Variants in BRDT observed in about 807,000 individuals in gnomAD.
BRDT encodes bromodomain testis associated, also known as bromodomain testis-specific protein.
In BRDT, 77 loss-of-function variants were observed where a neutral mutation model predicts 113.9. That is an observed-to-expected ratio of 0.68 (90% confidence interval 0.56 to 0.82). The LOEUF is 0.82. Among genes scored for constraint, BRDT ranks in the 40% least tolerant of loss-of-function variants. BRDT has a pLI of 0.00. For synonymous variants in BRDT, 358 were observed against 366.5 expected, an observed-to-expected ratio of 0.98 and a Z score of 0.26; for missense variants, 1,027 against 1,105.4, an observed-to-expected ratio of 0.93 and a Z score of 1.01.
At chr1:92,000,122 C>A (rs1476554116) in intron 15 of BRDT, among the ~76,000 whole-genome samples, 1 of 152,220 alleles carries the variant, frequency 6.6e-6, no homozygotes, top group Non-Finnish European at 1.5e-5. Context: ...AAGGAATCCT[C>A]CCGCCTTGGC....
At chr1:92,005,324 T>G (rs1440284236) in intron 18 of BRDT, 25 bp downstream of exon 18, 5 of 1,492,098 alleles carry the variant, frequency 3.4e-6, no homozygotes, top group Non-Finnish European at 3.6e-6. Flanking sequence ...GTTTACTAAA[T>G]CTAATTTAAC....
At chr1:91,970,290 G>T (rs1020800851) in intron 4 of BRDT, among the ~76,000 whole-genome samples, 5 of 152,120 alleles carry the variant, frequency 3.3e-5, no homozygotes, top group African/African-American at 1.2e-4. Flanking sequence ...TCGAGACAGG[G>T]TCTCATTCTG....
Position 91,980,950 on chromosome 1 carries a change from A to G in BRDT, c.1522A>G (p.Lys508Glu), listed in dbSNP as rs1206440795. The change falls in exon 10 of 19, where the codon AAA becomes GAA. Residue 508 changes from lysine (K) to glutamate (E), a missense_variant. Lys to Glu is a moderately conservative substitution (Grantham distance 56). Transcript: ENST00000399546. ...AAAATCTGAAGATGAAGATAATGCTAAACCTATGAACTATGATGAGAAAAG... is the reference window on the plus strand; with the variant it reads ...AAAATCTGAAGATGAAGATAATGCTGAACCTATGAACTATGATGAGAAAAG... ...GLKSEDEDNA[K>E]PMNYDEKRQL... The G allele has an allele frequency of 3.7e-6, 6 of 1,613,898 alleles. No homozygotes were observed. Among genetic ancestry groups the G allele is most frequent in the Non-Finnish European group, 5.1e-6 (6 of 1,179,970 alleles).
In BRDT at chr1:91,998,772, A is replaced by C. The variant is rs559519663; in HGVS notation, c.2288-3277A>C. On this transcript the variant is annotated intron_variant, in intron 15 of 18. Transcript: ENST00000399546. ...CATTTGAGCTGGATAGTGCAGAAAA[A>C]AAATAAGGCTTACCTATGTTTATTT... 5.9e-5 allele frequency among the ~76,000 whole-genome samples: 9 copies of C among 152,330 alleles called. No individual in the cohort carries two copies. The South Asian group carries it at 1.9e-3, about 32-fold the overall frequency.
intron 3 of BRDT, among the ~76,000 whole-genome samples, chr1:91,966,330 G>T (rs1683059242): frequency 6.6e-6 from 1 of 152,166 alleles, no homozygotes; most frequent in South Asian, 2.1e-4. Flanking sequence ...TAGAAAGTTT[G>T]ATTTGGCTCC....
chr1:91,954,028 G>C (rs1570410087), intron 1 of BRDT, among the ~76,000 whole-genome samples: 1 of 151,850 alleles, frequency 6.6e-6, no homozygotes, highest in East Asian at 1.9e-4. Context: ...CTAGAGTACA[G>C]TGGCATGATC....
At chr1:91,968,393 C>T (rs1683282801) in intron 4 of BRDT, 133 bp downstream of exon 4, 2 of 1,296,122 alleles carry the variant, frequency 1.5e-6, no homozygotes, top group Admixed American at 5.7e-5. Flanking sequence ...AAAAAATGTC[C>T]ATTTGAAACA....
intron 1 of BRDT, among the ~76,000 whole-genome samples, chr1:91,953,094 C>A: frequency 7.5e-6 from 1 of 133,142 alleles, no homozygotes; most frequent in Admixed American, 7.8e-5. Flanking sequence ...AATGCTATCC[C>A]TCCCCCCTCC....
In BRDT at chr1:91,995,881, G is replaced by A. The variant is rs147893806; in HGVS notation, c.2287+1627G>A. Reference sequence around the variant, plus strand: ...TCGAACTCTTGACCTCAGATGATCCGCTTGCCTCAGCCTCCCTATTCTGTG... The same window carrying A: ...TCGAACTCTTGACCTCAGATGATCCACTTGCCTCAGCCTCCCTATTCTGTG... On this transcript the variant is annotated intron_variant, in intron 15 of 18. Coordinates refer to ENST00000399546, the MANE Select transcript of BRDT (RefSeq NM_207189.4). Among the ~76,000 whole-genome samples the A allele has an allele frequency of 1.1e-4, 16 of 151,914 alleles. No homozygotes were observed. In the East Asian group the frequency reaches 2.1e-3, roughly 20 times the overall value.
intron 18 of BRDT, among the ~76,000 whole-genome samples, chr1:92,007,026 C>A (rs913412354): frequency 1.3e-5 from 2 of 151,998 alleles, no homozygotes. Context: ...TGAGCTCAGG[C>A]AATCCACCCA....
chr1:91,964,005 G>T (rs993651363), intron 2 of BRDT, among the ~76,000 whole-genome samples: 1 of 151,830 alleles, frequency 6.6e-6, no homozygotes, highest in Admixed American at 6.6e-5. Context: ...CCAAGTAGCT[G>T]GGAAGACAGG....
chr1:91,997,962 G>T (rs542600643), intron 15 of BRDT, among the ~76,000 whole-genome samples: 3 of 152,022 alleles, frequency 2.0e-5, no homozygotes, highest in Admixed American at 6.5e-5. Context: ...TTTCTTATTG[G>T]AAAAATAGTT....
intron 3 of BRDT, among the ~76,000 whole-genome samples, chr1:91,965,909 T>G (rs1333346111): frequency 6.6e-6 from 1 of 152,218 alleles, no homozygotes; most frequent in East Asian, 1.9e-4. Flanking sequence ...TGCCTTTCCC[T>G]GTCTCTTGTT....
chr1:91,988,301 C>A (rs1174708164), intron 12 of BRDT, among the ~76,000 whole-genome samples: 7 of 152,128 alleles, frequency 4.6e-5, no homozygotes, highest in Admixed American at 4.6e-4. Flanking sequence ...CCACTTTGAT[C>A]CTCTTAAGGT....
At position 92,005,289 on chromosome 1, in the gene BRDT, G is replaced by A. The variant is rs1327348313; in HGVS notation, c.2765G>A (p.Arg922Lys). The change falls in exon 18 of 19, where the codon AGG becomes AAG. Residue 922 changes from arginine to lysine, a missense_variant. Coordinates refer to ENST00000399546, the MANE Select transcript of BRDT (RefSeq NM_207189.4). ...AGGCAGAAAGAACAAGAGAGGAGGA[G>A]GAGAGAAGCAGTAAGTGAATTTTAG... ...LARQKEQERR[R>K]REAMVGTIDM... The A allele has an allele frequency of 1.9e-6, 3 of 1,548,364 alleles. No individual in the cohort carries two copies. In the East Asian group the frequency reaches 7.2e-5, roughly 37 times the overall value.
chr1:91,969,809 T>TG (rs1683433850), intron 4 of BRDT, among the ~76,000 whole-genome samples: 1 of 146,782 alleles, frequency 6.8e-6, no homozygotes, highest in Non-Finnish European at 1.5e-5. Context: ...TTTTTTGTTT[T>TG]TGTGTGTGTG....
At chr1:91,976,545 C>A in intron 5 of BRDT, 107 bp downstream of exon 5, 1 of 1,060,294 alleles carries the variant, frequency 9.4e-7, no homozygotes, top group Non-Finnish European at 1.3e-6. Context: ...TTTTTTAATT[C>A]ATTTAGCATC....
rs772598496 is a variant in BRDT, at chr1:91,991,223, C to G, written c.2042C>G (p.Ser681Cys). The G allele has an allele frequency of 6.5e-7, 1 of 1,550,068 alleles. No individual in the cohort carries two copies. The highest frequency in any genetic ancestry group is 1.2e-5 in the South Asian group (1 of 85,798). ...TTTACAGAAGTAAAACCAAATGATT[C>G]TCCTTCTAAAGAGAATGTAAAGGTA... is the stretch of plus-strand genomic sequence containing the variant. ...PKFTEVKPNDSPSKENVKKMK... is the reference protein window; with the variant it reads ...PKFTEVKPNDCPSKENVKKMK... The change falls in exon 13 of 19, where the codon TCT (serine) becomes TGT (cysteine). Residue 681 changes from serine (S) to cysteine (C), a missense_variant. By Grantham distance (112) the Ser-to-Cys change is moderately radical. Transcript: ENST00000399546.
rs565432087 is a variant in BRDT at position 91,981,599 on chromosome 1, A to G, written c.1865-19A>G. 1.7e-5 allele frequency: 28 copies of G among 1,607,692 alleles called. 1 individual carries two copies. The highest frequency in any genetic ancestry group is 1.2e-4 in the Admixed American group (7 of 58,458). On this transcript the variant is annotated intron_variant, in intron 11 of 18. Coordinates refer to ENST00000399546, the MANE Select transcript of BRDT (RefSeq NM_207189.4). ...TATTTAATTCTTCTGGCATTTTAAT[A>G]TGTTTCTCTGTTTTGTAGCTGATAA...
Sources: gnomAD v4.1 joint callset for allele counts (sites outside exome capture counted in the v4.1 genomes callset) on GRCh38, gnomAD v4.1.1 for gene constraint, MANE v1.5 for transcripts, NCBI Gene and HGNC (gene_info 2026-07-23, HGNC 2026-07-21) for gene names.